Variants in B4GALT6 observed in about 807,000 individuals in gnomAD.
The protein encoded by B4GALT6 is beta-1,4-galactosyltransferase 6.
In B4GALT6, 14 loss-of-function variants were observed where a neutral mutation model predicts 46.3. That is an observed-to-expected ratio of 0.30 (90% CI 0.20 to 0.47). B4GALT6 has a LOEUF of 0.47. B4GALT6 is among the 20% of genes least tolerant of loss of function. B4GALT6 has a pLI of 0.99. For missense variants in B4GALT6, 386 were observed against 480.1 expected (o/e 0.80, Z 1.83); for synonymous variants, 168 against 162.0 (o/e 1.04, Z -0.28).
At chr18:31,699,651 A>C in the B4GALT6 span, among the ~76,000 whole-genome samples, 3 of 151,264 alleles carry the variant, frequency 2.0e-5, no homozygotes, top group Admixed American at 6.6e-5. Flanking sequence ...AAAAAAAAAA[A>C]AAAAAAACCT....
At chr18:31,672,819 G>C (rs1225430509) in intron 1 of B4GALT6, among the ~76,000 whole-genome samples, 2 of 152,196 alleles carry the variant, frequency 1.3e-5, no homozygotes, top group African/African-American at 4.8e-5. Context: ...AATCCCAGCA[G>C]TGTGGCCCCA....
chr18:31,720,096 C>T, the B4GALT6 span, among the ~76,000 whole-genome samples: 2 of 152,350 alleles, frequency 1.3e-5, no homozygotes, highest in Middle Eastern at 3.4e-3. Flanking sequence ...AAAGTCAAAC[C>T]ATGAACTGAA....
chr18:31,697,058 G>A, the B4GALT6 span, among the ~76,000 whole-genome samples: 2 of 152,112 alleles, frequency 1.3e-5, no homozygotes, highest in African/African-American at 2.4e-5. Context: ...ATCACTTGAC[G>A]CCAGGAGTTA....
At chr18:31,679,605 T>C (rs1482273366) in intron 1 of B4GALT6, among the ~76,000 whole-genome samples, 1 of 152,158 alleles carries the variant, frequency 6.6e-6, no homozygotes, top group Non-Finnish European at 1.5e-5. Flanking sequence ...AGGAGTGAGT[T>C]TTATTACTCA....
chr18:31,689,604 C>G (rs766005036), upstream of B4GALT6, among the ~76,000 whole-genome samples: 1 of 152,080 alleles, frequency 6.6e-6, no homozygotes, highest in African/African-American at 2.4e-5. Context: ...ATTAGCTGGG[C>G]ATGGTGGCGC....
At chr18:31,689,612 C>T (rs1361133254), upstream of B4GALT6, among the ~76,000 whole-genome samples, 4 of 152,008 alleles carry the variant, frequency 2.6e-5, no homozygotes, top group East Asian at 3.9e-4. Context: ...GGCATGGTGG[C>T]GCACACCTGT....
Position 31,680,108 on chromosome 18 carries a change from G to A in B4GALT6, c.115+4204C>T, listed in dbSNP as rs576781308. 2.0e-5 allele frequency among the ~76,000 whole-genome samples: 3 copies of A among 152,212 alleles called. No homozygotes were observed. The East Asian group carries it at 5.8e-4, about 29-fold the overall frequency. ...AGAAAAAAGAGATGCCCAATACCAT[G>A]GCCCTCCATGATATTCGGATACCAA... On this transcript the variant is annotated intron_variant, in intron 1 of 8. Coordinates refer to ENST00000306851, the MANE Select transcript of B4GALT6 (RefSeq NM_004775.5).
the B4GALT6 span, among the ~76,000 whole-genome samples, chr18:31,717,999 A>G: frequency 6.6e-6 from 1 of 152,090 alleles, no homozygotes; most frequent in Non-Finnish European, 1.5e-5. Flanking sequence ...GGGTATGCAC[A>G]GGAAAAGGGA....
chr18:31,653,286 C>T (rs925827523), intron 3 of B4GALT6, among the ~76,000 whole-genome samples: 2 of 151,954 alleles, frequency 1.3e-5, no homozygotes, highest in Non-Finnish European at 1.5e-5. Context: ...CTCTCCAGTC[C>T]GGGAATACAC....
the B4GALT6 span, among the ~76,000 whole-genome samples, chr18:31,710,538 T>A: frequency 6.6e-6 from 1 of 152,088 alleles, no homozygotes; most frequent in South Asian, 2.1e-4. Flanking sequence ...GATGATGCAC[T>A]ACAAGCCAAG....
the B4GALT6 span, among the ~76,000 whole-genome samples, chr18:31,717,703 C>T: frequency 2.0e-5 from 3 of 151,888 alleles, no homozygotes; most frequent in African/African-American, 7.3e-5. Flanking sequence ...ACCTGTAATC[C>T]CAGCACTTTG....
At chr18:31,712,287 A>ATTTTTGTTTTTTTTT in the B4GALT6 span, among the ~76,000 whole-genome samples, 1 of 84,642 alleles carries the variant, frequency 1.2e-5, no homozygotes, top group Non-Finnish European at 2.1e-5. Flanking sequence ...CTGGGACGTT[A>ATTTTTGTTTTTTTTT]TTTTTTTTTT....
At chr18:31,652,205 C>T (rs1357147678) in intron 3 of B4GALT6, among the ~76,000 whole-genome samples, 2 of 152,186 alleles carry the variant, frequency 1.3e-5, no homozygotes, top group African/African-American at 2.4e-5. Context: ...AAACTTCTCT[C>T]ATTTCACCTA....
the B4GALT6 span, among the ~76,000 whole-genome samples, chr18:31,693,710 G>A: frequency 3.9e-5 from 6 of 152,208 alleles, no homozygotes; most frequent in Non-Finnish European, 8.8e-5. Context: ...ACTTATGCTT[G>A]TAATCCTAGC....
At chr18:31,652,938 A>G (rs983738710) in intron 3 of B4GALT6, among the ~76,000 whole-genome samples, 1 of 152,034 alleles carries the variant, frequency 6.6e-6, no homozygotes, top group African/African-American at 2.4e-5. Flanking sequence ...CTAAAATACA[A>G]TCCTAGTCCA....
rs531619079 is a variant in B4GALT6, at chr18:31,681,965, G to A, written c.115+2347C>T. Among the ~76,000 whole-genome samples the A allele has an allele frequency of 5.7e-4, 87 of 152,142 alleles. 2 individuals are homozygous for A. In the East Asian group the frequency reaches 0.012, roughly 21 times the overall value. Reference sequence around the variant, plus strand: ...ATTTCAAGAAAAATCCACATACATCGAATAAAAACTAGTTATAAGAACCTA... The same window carrying A: ...ATTTCAAGAAAAATCCACATACATCAAATAAAAACTAGTTATAAGAACCTA... On this transcript the variant is annotated intron_variant, in intron 1 of 8. Coordinates refer to ENST00000306851, the MANE Select transcript of B4GALT6 (RefSeq NM_004775.5).
chr18:31,687,740 C>G (rs569390089), upstream of B4GALT6, among the ~76,000 whole-genome samples: 5 of 152,076 alleles, frequency 3.3e-5, no homozygotes, highest in African/African-American at 1.2e-4. Context: ...CTAGGGACAC[C>G]GTGCTCTTAA....
chr18:31,688,401 A>G (rs952846332), upstream of B4GALT6, among the ~76,000 whole-genome samples: 4 of 151,726 alleles, frequency 2.6e-5, no homozygotes, highest in African/African-American at 9.7e-5. Flanking sequence ...GATTATATAA[A>G]AGAAATTTTA....
At chr18:31,629,447 ATTTTTTTTTTTTTTTTT>A (rs869030382) in intron 6 of B4GALT6, among the ~76,000 whole-genome samples, 8 of 32,836 alleles carry the variant, frequency 2.4e-4, no homozygotes, top group East Asian at 3.4e-3. Flanking sequence ...GCCCTTTATG[ATTTTTTTTTTTTTTTTT>A]TTTTTTTTTT....
Sources: allele counts gnomAD v4.1 joint callset (sites outside exome capture counted in the v4.1 genomes callset), GRCh38; gene constraint gnomAD v4.1.1; transcripts MANE v1.5; gene names NCBI Gene and HGNC (gene_info 2026-07-23, HGNC 2026-07-21).